Variants in SLC6A19 observed in about 807,000 individuals in gnomAD.
SLC6A19 encodes sodium-dependent neutral amino acid transporter B(0)AT1.
Under a neutral mutation model 68.3 loss-of-function variants are expected in SLC6A19, and 67 were observed. The ratio of observed to expected loss-of-function variants is 0.98; its 90% CI spans 0.81 to 1.20. SLC6A19 has a LOEUF of 1.20. Ranked by LOEUF, SLC6A19 falls within the 50% of genes most tolerant of loss-of-function variation. The pLI, the probability that SLC6A19 is intolerant of heterozygous loss-of-function variation, is 0.00. For synonymous variants in SLC6A19, 392 were observed against 374.9 expected, an observed-to-expected ratio of 1.05 and a Z score of -0.53; for missense variants, 813 against 851.6, an observed-to-expected ratio of 0.95 and a Z score of 0.56.
chr5:1,218,879 G>GGTGACCCTC (rs1263635127), intron 8 of SLC6A19, 24 bp from the exon 9 acceptor site: 1 of 1,609,226 alleles, frequency 6.2e-7, no homozygotes, highest in Admixed American at 1.7e-5. Context: ...CAGAGGCCCT[G>GGTGACCCTC]GTGACTGTGT....
At position 1,214,148 on chromosome 5, in the gene SLC6A19, C is replaced by T. The variant is rs150688760; in HGVS notation, c.887+83C>T. Reference sequence around the variant, plus strand: ...GGAGGATAAAAGACAAGGTGGAAAGCACTCTGTGGCTGTGTGGCCGGGGCC... The same window carrying T: ...GGAGGATAAAAGACAAGGTGGAAAGTACTCTGTGGCTGTGTGGCCGGGGCC... On this transcript the variant is annotated intron_variant, in intron 6 of 11. Coordinates refer to ENST00000304460, the MANE Select transcript of SLC6A19 (RefSeq NM_001003841.3). The surrounding 1 kb of genome is among the most constrained non-coding windows in gnomAD (Gnocchi z 7.4). 24,768 of 1,599,688 alleles carry T rather than the reference C, an allele frequency of 0.015. 252 individuals carry two copies. The highest frequency in any genetic ancestry group is 0.016 in the Non-Finnish European group (19,117 of 1,173,422).
chr5:1,208,644 C>G, intron 1 of SLC6A19, 102 bp from the exon 2 acceptor site: 1 of 1,529,940 alleles, frequency 6.5e-7, no homozygotes, highest in South Asian at 1.1e-5. Context: ...GGTGGGCCGG[C>G]CATAGGGGCT....
At position 1,210,561 on chromosome 5, in the gene SLC6A19, C is replaced by T. The variant is rs771980756; in HGVS notation, c.461C>T (p.Pro154Leu). 4.4e-5 allele frequency: 71 copies of T among 1,612,936 alleles called. No individual in the cohort carries two copies. The highest frequency in any genetic ancestry group is 5.2e-5 in the Non-Finnish European group (61 of 1,180,026). The stretch of plus-strand genomic sequence containing the variant: ...GAGCCTCTGCCCTGGAGCGACTGCC[C>T]GCTCAACGAGAACCAGACAGGTGAG... ...FQEPLPWSDC[P>L]LNENQTGYVD... Residue 154 changes from proline (P) to leucine (L), a missense_variant, in exon 3 of 12, where the codon CCG becomes CTG. By Grantham distance (98) the Pro-to-Leu change is moderately conservative. Transcript: ENST00000304460.
rs1029883539 is a variant in SLC6A19, at chr5:1,222,049, T to G, written c.*145T>G. 1.7e-5 allele frequency: 15 copies of G among 878,618 alleles called. No individual in the cohort carries two copies. Among genetic ancestry groups the G allele is most frequent in the Non-Finnish European group, 2.5e-5 (14 of 565,200 alleles). 54.4% of individuals were successfully genotyped at this position (878,618 alleles called of 1,614,324 possible). On this transcript the variant is annotated 3_prime_UTR_variant, in exon 12 of 12. Coordinates refer to ENST00000304460, the MANE Select transcript of SLC6A19 (RefSeq NM_001003841.3). ...TGAGTGTGTGTATTGTACACGCATGTGCCATGTGTGCAGATATGTATCGTG... is the reference window on the plus strand; with the variant it reads ...TGAGTGTGTGTATTGTACACGCATGGGCCATGTGTGCAGATATGTATCGTG...
In SLC6A19 at chr5:1,214,150, C is replaced by G. The variant is rs903874762; in HGVS notation, c.887+85C>G. On this transcript the variant is annotated intron_variant, in intron 6 of 11. Coordinates refer to ENST00000304460, the MANE Select transcript of SLC6A19 (RefSeq NM_001003841.3). The surrounding 1 kb of genome is among the most constrained non-coding windows in gnomAD (Gnocchi z 7.4). ...AGGATAAAAGACAAGGTGGAAAGCA[C>G]TCTGTGGCTGTGTGGCCGGGGCCTT... The G allele has an allele frequency of 6.3e-7, 1 of 1,593,628 alleles. No homozygotes were observed. The highest frequency in any genetic ancestry group is 8.5e-7 in the Non-Finnish European group (1 of 1,170,554).
intron 1 of SLC6A19, among the ~76,000 whole-genome samples, chr5:1,207,702 A>G: frequency 6.6e-6 from 1 of 152,226 alleles, no homozygotes; most frequent in East Asian, 1.9e-4. Flanking sequence ...ACAACTCTCC[A>G]GTCAGTTGAA....
chr5:1,221,658 T>TG (rs753516384), intron 11 of SLC6A19, 43 bp from the exon 12 acceptor site: 6 of 1,611,042 alleles, frequency 3.7e-6, no homozygotes, highest in Non-Finnish European at 5.1e-6. Flanking sequence ...TGAACCCCAC[T>TG]GGCTCCCGGG....
intron 8 of SLC6A19, 73 bp downstream of exon 8, chr5:1,217,018 G>T: frequency 6.2e-7 from 1 of 1,605,620 alleles, no homozygotes; most frequent in Non-Finnish European, 8.5e-7. Context: ...GCCACCCCTG[G>T]GCCCCTGGCC....
Position 1,209,641 on chromosome 5 carries a change from C to A in SLC6A19, c.343+755C>A, listed in dbSNP as rs1176599125. Among the ~76,000 whole-genome samples the A allele has an allele frequency of 1.3e-5, 2 of 151,706 alleles. No individual in the cohort carries two copies. The highest frequency in any genetic ancestry group is 6.6e-5 in the Admixed American group (1 of 15,228). ...TTCCTCTCTCTCTGTCTCTGTCATT[C>A]TCTCTTTCCCCTCCTATTCTCTCCC... On this transcript the variant is annotated intron_variant, in intron 2 of 11. Coordinates refer to ENST00000304460, the MANE Select transcript of SLC6A19 (RefSeq NM_001003841.3). This position sits in a 1 kb window ranked among gnomAD's most constrained non-coding sequence, Gnocchi z 5.5.
chr5:1,221,188 C>T lies in SLC6A19; in HGVS notation c.1576C>T (p.Pro526Ser). The T allele has an allele frequency of 6.2e-7, 1 of 1,614,106 alleles. No homozygotes were observed. The highest frequency in any genetic ancestry group is 8.5e-7 in the Non-Finnish European group (1 of 1,180,006). The change falls in exon 11 of 12, where the codon CCC becomes TCC. Residue 526 changes from proline (P) to serine (S), a missense_variant. Physicochemically the swap from Pro to Ser is moderately conservative, Grantham distance 74 (BLOSUM62 -1). Transcript: ENST00000304460. ...KDIEFMIGHK[P>S]NIFWQVTWRV... ...CATCGAGTTCATGATCGGCCACAAGCCCAACATCTTCTGGCAAGTCACGTG... is the reference window on the plus strand; with the variant it reads ...CATCGAGTTCATGATCGGCCACAAGTCCAACATCTTCTGGCAAGTCACGTG...
chr5:1,222,026 A>T lies in SLC6A19; in HGVS notation c.*122A>T, dbSNP rs1000166102. The T allele has an allele frequency of 2.8e-5, 31 of 1,099,238 alleles. No individual in the cohort carries two copies. Among genetic ancestry groups the T allele is most frequent in the Non-Finnish European group, 3.8e-5 (29 of 755,296 alleles). 68.1% of individuals were successfully genotyped at this position (1,099,238 alleles called of 1,614,324 possible). On this transcript the variant is annotated 3_prime_UTR_variant, in exon 12 of 12. Transcript: ENST00000304460. ...AAGCGTGAGTGTATGCTCGTGTGTG[A>T]GTGTGTGTATTGTACACGCATGTGC...
chr5:1,219,520 G>A lies in SLC6A19; in HGVS notation c.1394G>A (p.Gly465Glu), dbSNP rs374537684. The change falls in exon 10 of 12, where the codon GGG (glycine) becomes GAG (glutamate). Residue 465 changes from glycine (G) to glutamate (E), a missense_variant. Transcript: ENST00000304460. ...KEVLTGLICL[G>E]TFLIGFIFTL... Reference sequence around the variant, plus strand: ...CGGCCTGCAGGCCTCATCTGCCTGGGGACATTCCTCATTGGCTTCATCTTC... The same window carrying A: ...CGGCCTGCAGGCCTCATCTGCCTGGAGACATTCCTCATTGGCTTCATCTTC... 8 of 1,611,976 alleles carry A rather than the reference G, an allele frequency of 5.0e-6. No homozygotes were observed. Among genetic ancestry groups the A allele is most frequent in the Non-Finnish European group, 6.8e-6 (8 of 1,180,028 alleles).
At chr5:1,204,398 T>C (rs746011105) in intron 1 of SLC6A19, among the ~76,000 whole-genome samples, 11 of 152,008 alleles carry the variant, frequency 7.2e-5, no homozygotes, top group Non-Finnish European at 1.6e-4. Context: ...GGGAAATGGG[T>C]GTGATGGCGG....
chr5:1,209,578 CCTCCCTCTCTCTTCCTCTCTCTGTCT>C lies in SLC6A19; in HGVS notation c.343+715_343+740del, dbSNP rs1214431231. Among the ~76,000 whole-genome samples, 3 of 151,942 alleles carry C rather than the reference CCTCCCTCTCTCTTCCTCTCTCTGTCT, an allele frequency of 2.0e-5. No homozygotes were observed. The highest frequency in any genetic ancestry group is 4.4e-5 in the Non-Finnish European group (3 of 67,972). On this transcript the variant is annotated intron_variant, in intron 2 of 11. Coordinates refer to ENST00000304460, the MANE Select transcript of SLC6A19 (RefSeq NM_001003841.3). This position sits in a 1 kb window ranked among gnomAD's most constrained non-coding sequence, Gnocchi z 5.5. ...CTCGCTGAGTATCCAAGACCTCCCTCCTCCCTCTCTCTTCCTCTCTCTGTCTCTCCCTCTCTCTTCCTCTCTCTCTG... is the reference window on the plus strand; with the variant it reads ...CTCGCTGAGTATCCAAGACCTCCCTCCTCCCTCTCTCTTCCTCTCTCTCTG...
chr5:1,221,344 G>T (rs1316628990), intron 11 of SLC6A19, 31 bp downstream of exon 11: 3 of 1,609,910 alleles, frequency 1.9e-6, no homozygotes, highest in Non-Finnish European at 2.5e-6. Flanking sequence ...CTGGGGTGGG[G>T]AGAGGAATGG....
In SLC6A19 at chr5:1,212,555, C is replaced by G. The variant is rs999296216; in HGVS notation, c.663+71C>G. The G allele has an allele frequency of 2.5e-4, 391 of 1,583,704 alleles. 8 individuals are homozygous for G. In the South Asian group the frequency reaches 3.5e-3, roughly 14 times the overall value. On this transcript the variant is annotated intron_variant, in intron 4 of 11. Transcript: ENST00000304460. The surrounding 1 kb of genome is among the most constrained non-coding windows in gnomAD (Gnocchi z 5.1). ...TGCGGGCAGCCCTGCCTCCGGCCGG[C>G]TGCACTCTAAAACCCAGGTCTGGGG...
chr5:1,217,082 G>A, intron 8 of SLC6A19, 137 bp downstream of exon 8: 2 of 1,378,534 alleles, frequency 1.5e-6, no homozygotes, highest in Non-Finnish European at 2.0e-6. Context: ...CCCACTGTCT[G>A]CTCTGCCTGG....
Position 1,214,731 on chromosome 5 carries a change from G to A in SLC6A19, c.887+666G>A, listed in dbSNP as rs1384787922. ...AGCAGAAGGGGCTGGGGGTGAGGGA[G>A]GACTCCTAGGGGTCAGGGTGGCCCT... On this transcript the variant is annotated intron_variant, in intron 6 of 11. Transcript: ENST00000304460. The surrounding 1 kb of genome is among the most constrained non-coding windows in gnomAD (Gnocchi z 7.4). 6.6e-6 allele frequency among the ~76,000 whole-genome samples: 1 copy of A among 151,836 alleles called. No homozygotes were observed. Among genetic ancestry groups the A allele is most frequent in the East Asian group, 1.9e-4 (1 of 5,188 alleles).
chr5:1,218,382 C>T (rs1746264423), intron 8 of SLC6A19, among the ~76,000 whole-genome samples: 1 of 152,154 alleles, frequency 6.6e-6, no homozygotes, highest in Non-Finnish European at 1.5e-5. Flanking sequence ...TCGCCAGGAC[C>T]GTGATGGGCC....
Sources: gnomAD v4.1 joint callset for allele counts (sites outside exome capture counted in the v4.1 genomes callset) on GRCh38, gnomAD v4.1.1 for gene constraint, Gnocchi (gnomAD v3.1) non-coding constraint, MANE v1.5 for transcripts, NCBI Gene and HGNC (gene_info 2026-07-23, HGNC 2026-07-21) for gene names.